The following SPAG16 variants were observed in gnomAD, a reference collection of about 807,000 sequenced individuals.
SPAG16 encodes sperm associated antigen 16, also known as sperm-associated antigen 16 protein.
Under a neutral mutation model 80.4 loss-of-function variants are expected in SPAG16, and 86 were observed. The observed-to-expected ratio is 1.07, with a 90% CI of 0.90 to 1.28. The LOEUF is 1.28. Ranked by LOEUF, SPAG16 falls within the 50% of genes most tolerant of loss-of-function variation. The pLI is 0.00. For synonymous variants in SPAG16, 294 were observed against 265.9 expected, an observed-to-expected ratio of 1.11 and a Z score of -1.03; for missense variants, 870 against 765.3, an observed-to-expected ratio of 1.14 and a Z score of -1.61.
intron 10 of SPAG16, among the ~76,000 whole-genome samples, chr2:213,806,746 T>C (rs1236868883): frequency 2.6e-5 from 4 of 152,218 alleles, no homozygotes; most frequent in African/African-American, 4.8e-5. Flanking sequence ...AAGGCATGGA[T>C]GATTTTTTAA....
At chr2:213,878,582 T>C (rs561164886) in intron 11 of SPAG16, among the ~76,000 whole-genome samples, 10 of 152,264 alleles carry the variant, frequency 6.6e-5, no homozygotes, top group Non-Finnish European at 1.2e-4. Context: ...AGTTTGCAAA[T>C]ATTTTCTCCC....
chr2:213,823,832 G>C (rs1317650221), intron 10 of SPAG16, among the ~76,000 whole-genome samples: 1 of 152,156 alleles, frequency 6.6e-6, no homozygotes, highest in Non-Finnish European at 1.5e-5. Context: ...CAGATAGGTA[G>C]ATTGCAAAAA....
At chr2:214,376,638 C>T (rs1455336713) in intron 15 of SPAG16, among the ~76,000 whole-genome samples, 1 of 152,100 alleles carries the variant, frequency 6.6e-6, no homozygotes, top group Non-Finnish European at 1.5e-5. Flanking sequence ...TTACAGTCAG[C>T]CTAACCAAGC....
chr2:213,929,989 A>G lies in SPAG16; in HGVS notation c.1244A>G (p.Asp415Gly). The change falls in exon 12 of 16, where the codon GAC becomes GGC. Residue 415 changes from aspartate to glycine, a missense_variant. Coordinates refer to ENST00000331683, the MANE Select transcript of SPAG16 (RefSeq NM_024532.5). ...GACAAATTGGCTACTTCAAGTGGTG[A>G]CACTACAGTTAAATTATGGGATCTA... ...SGDKLATSSG[D>G]TTVKLWDLCK... 6.2e-7 allele frequency: 1 copy of G among 1,612,836 alleles called. No homozygotes were observed. The highest frequency in any genetic ancestry group is 8.5e-7 in the Non-Finnish European group (1 of 1,179,506).
At chr2:214,273,231 A>T (rs1692173138) in intron 15 of SPAG16, among the ~76,000 whole-genome samples, 1 of 152,016 alleles carries the variant, frequency 6.6e-6, no homozygotes, top group Non-Finnish European at 1.5e-5. Flanking sequence ...ATTTTCTCCC[A>T]TTCTGTAGGT....
intron 14 of SPAG16, among the ~76,000 whole-genome samples, chr2:214,111,481 T>C (rs1230258503): frequency 1.3e-5 from 2 of 152,184 alleles, no homozygotes; most frequent in African/African-American, 2.4e-5. Context: ...TTCTGTTCCA[T>C]TGGTCTATAT....
At chr2:213,597,301 C>T (rs2060915658) in intron 10 of SPAG16, among the ~76,000 whole-genome samples, 1 of 152,040 alleles carries the variant, frequency 6.6e-6, no homozygotes. Context: ...CCATACATTC[C>T]AGAACTTTCT....
chr2:213,304,034 T>A (rs2126095155), intron 3 of SPAG16, among the ~76,000 whole-genome samples: 1 of 152,262 alleles, frequency 6.6e-6, no homozygotes, highest in Non-Finnish European at 1.5e-5. Context: ...CTCCACATCC[T>A]TGCCAGCATT....
intron 15 of SPAG16, among the ~76,000 whole-genome samples, chr2:214,162,717 A>G (rs747587771): frequency 1.3e-5 from 2 of 151,916 alleles, no homozygotes; most frequent in Non-Finnish European, 2.9e-5. Context: ...TGTTGCCGTG[A>G]TGTTCTAGTA....
chr2:213,554,880 T>A (rs564643631), intron 10 of SPAG16, among the ~76,000 whole-genome samples: 2 of 152,000 alleles, frequency 1.3e-5, no homozygotes, highest in South Asian at 2.1e-4. Context: ...ATTCAAGTTA[T>A]AAGAGTTTAA....
chr2:214,191,765 C>A (rs1286145646), intron 15 of SPAG16, among the ~76,000 whole-genome samples: 1 of 139,218 alleles, frequency 7.2e-6, no homozygotes, highest in African/African-American at 2.7e-5. Flanking sequence ...ATGCTGTGAA[C>A]CAATCATAAA....
At chr2:214,006,069 G>A (rs74467493) in intron 12 of SPAG16, among the ~76,000 whole-genome samples, 11,834 of 151,974 alleles carry the variant, frequency 0.078, 565 homozygotes, top group African/African-American at 0.13. Flanking sequence ...GGGTTAATAT[G>A]GTAATGAATT....
chr2:213,310,264 A>G, intron 4 of SPAG16, 87 bp downstream of exon 4: 1 of 848,406 alleles, frequency 1.2e-6, no homozygotes, highest in East Asian at 2.9e-5. Flanking sequence ...CTTTGAAATG[A>G]CTCAGCCTAT....
chr2:214,280,208 A>G (rs1391624664), intron 15 of SPAG16, among the ~76,000 whole-genome samples: 1 of 152,204 alleles, frequency 6.6e-6, no homozygotes, highest in African/African-American at 2.4e-5. Flanking sequence ...TGCGAACTAA[A>G]AAACATGCAG....
At chr2:213,806,989 T>C (rs1277762432) in intron 10 of SPAG16, among the ~76,000 whole-genome samples, 1 of 152,220 alleles carries the variant, frequency 6.6e-6, no homozygotes, top group Non-Finnish European at 1.5e-5. Flanking sequence ...TTCACATTTT[T>C]GTTGTGTTGT....
At chr2:213,621,897 G>A (rs2061800775) in intron 10 of SPAG16, among the ~76,000 whole-genome samples, 1 of 152,106 alleles carries the variant, frequency 6.6e-6, no homozygotes, top group South Asian at 2.1e-4. Flanking sequence ...TGTTTGGGTG[G>A]GAACCAGGAC....
At chr2:214,159,633 A>G (rs1428493403) in intron 15 of SPAG16, among the ~76,000 whole-genome samples, 1 of 151,930 alleles carries the variant, frequency 6.6e-6, no homozygotes, top group African/African-American at 2.4e-5. Context: ...TTCAAATATG[A>G]TTTACTCAAA....
intron 15 of SPAG16, among the ~76,000 whole-genome samples, chr2:214,323,991 A>C (rs1157359984): frequency 6.6e-6 from 1 of 152,238 alleles, no homozygotes; most frequent in Non-Finnish European, 1.5e-5. Context: ...TGTCCTAATG[A>C]TTAAAAGGTC....
At chr2:213,609,780 G>A (rs2061383758) in intron 10 of SPAG16, among the ~76,000 whole-genome samples, 1 of 152,136 alleles carries the variant, frequency 6.6e-6, no homozygotes, top group South Asian at 2.1e-4. Flanking sequence ...AGCAAATTGA[G>A]TTTTGATCTT....
Sources: gnomAD v4.1 joint callset for allele counts (sites outside exome capture counted in the v4.1 genomes callset) on GRCh38, gnomAD v4.1.1 for gene constraint, MANE v1.5 for transcripts, NCBI Gene and HGNC (gene_info 2026-07-23, HGNC 2026-07-21) for gene names.